VPS13A: variants seen among roughly 807,000 people sequenced by gnomAD.
VPS13A encodes intermembrane lipid transfer protein VPS13A.
Under a neutral mutation model 390.9 loss-of-function variants are expected in VPS13A, and 264 were observed. The ratio of observed to expected loss-of-function variants is 0.68; its 90% CI spans 0.61 to 0.75. VPS13A has a LOEUF of 0.75. VPS13A is among the 30% of genes least tolerant of loss of function. The probability of loss-of-function intolerance (pLI) is 0.00; values close to 1 mark genes in which losing one functional copy is unlikely to be tolerated. For synonymous variants in VPS13A, 1,231 were observed against 1,227.1 expected (o/e 1.00, Z -0.07); for missense variants, 3,409 against 3,733.9 (o/e 0.91, Z 2.27).
intron 24 of VPS13A, 135 bp from the exon 25 acceptor site, chr9:77,275,363 T>C: frequency 1.2e-6 from 1 of 835,538 alleles, no homozygotes; most frequent in Non-Finnish European, 1.9e-6. Context: ...ATTTTCTGTT[T>C]ATTTCGGTTC....
At chr9:77,256,341 A>G (rs1342609895) in intron 22 of VPS13A, among the ~76,000 whole-genome samples, 1 of 152,040 alleles carries the variant, frequency 6.6e-6, no homozygotes, top group Non-Finnish European at 1.5e-5. Context: ...TCATTTCATC[A>G]TTATTGGAAA....
intron 33 of VPS13A, among the ~76,000 whole-genome samples, chr9:77,299,028 A>G (rs1272456204): frequency 6.6e-6 from 1 of 152,012 alleles, no homozygotes; most frequent in Non-Finnish European, 1.5e-5. Context: ...TCCTTTCCCC[A>G]TTGCTTGTTT....
chr9:77,262,184 T>G (rs1825796701), intron 23 of VPS13A, among the ~76,000 whole-genome samples: 3 of 152,134 alleles, frequency 2.0e-5, no homozygotes, highest in African/African-American at 7.2e-5. Flanking sequence ...GTTTTTTATC[T>G]CATATGTAAA....
intron 31 of VPS13A, among the ~76,000 whole-genome samples, chr9:77,287,125 ATATATATGTAAAT>A (rs1230882830): frequency 2.1e-4 from 31 of 148,636 alleles, no homozygotes; most frequent in African/African-American, 7.6e-4. Context: ...TTATACATTA[ATATATATGTAAAT>A]TATATATGTA....
chr9:77,282,079 A>G (rs376146898), intron 28 of VPS13A, 42 bp from the exon 29 acceptor site: 81 of 1,601,264 alleles, frequency 5.1e-5, no homozygotes, highest in Non-Finnish European at 6.7e-5. Flanking sequence ...CTGGCAAGCA[A>G]ATATTTATTG....
intron 67 of VPS13A, among the ~76,000 whole-genome samples, chr9:77,379,280 G>A (rs1833298058): frequency 7.2e-6 from 1 of 139,128 alleles, no homozygotes. Flanking sequence ...CACTCTTGTT[G>A]CCCAGGCTGG....
At chr9:77,321,834 A>C in intron 44 of VPS13A, 88 bp downstream of exon 44, 1 of 1,513,292 alleles carries the variant, frequency 6.6e-7, no homozygotes, top group South Asian at 1.2e-5. Flanking sequence ...GAATCTTAGC[A>C]AGGTTTTTTT....
intron 9 of VPS13A, 58 bp downstream of exon 9, chr9:77,213,372 T>A: frequency 7.3e-7 from 1 of 1,374,392 alleles, no homozygotes; most frequent in Admixed American, 1.7e-5. Flanking sequence ...GAGGTTTAAT[T>A]CATTGTCATT....
intron 22 of VPS13A, among the ~76,000 whole-genome samples, chr9:77,254,817 G>T (rs950430537): frequency 1.3e-5 from 2 of 152,130 alleles, no homozygotes; most frequent in Admixed American, 6.6e-5. Context: ...TTGTTAGTAT[G>T]TGGGAACTTA....
At chr9:77,328,433 TC>T (rs1209370273) in intron 45 of VPS13A, among the ~76,000 whole-genome samples, 1 of 152,212 alleles carries the variant, frequency 6.6e-6, no homozygotes, top group Non-Finnish European at 1.5e-5. Flanking sequence ...AGCTTCATTA[TC>T]CCTTTAAGAA....
chr9:77,220,411 T>C lies in VPS13A; in HGVS notation c.989+28T>C, dbSNP rs751684144. On this transcript the variant is annotated intron_variant, in intron 12 of 71. Transcript: ENST00000360280. ...AAATGCCTTGATTTTTTTTTTTTTT[T>C]AGATTTTAAAAATACAACATAAAAA... The C allele has an allele frequency of 1.9e-5, 24 of 1,291,404 alleles. No individual in the cohort carries two copies. The African/African-American group carries it at 3.6e-4, about 19-fold the overall frequency. The allele number at this position is 1,291,404 out of a possible 1,614,324, so 80.0% of individuals were successfully genotyped here.
chr9:77,290,920 A>G (rs113433003), intron 31 of VPS13A, among the ~76,000 whole-genome samples: 6 of 152,212 alleles, frequency 3.9e-5, no homozygotes, highest in African/African-American at 1.4e-4. Flanking sequence ...GATGTTATAG[A>G]TGAGTCTGAT....
intron 60 of VPS13A, 43 bp downstream of exon 60, chr9:77,365,616 T>C (rs754767543): frequency 1.6e-6 from 2 of 1,235,556 alleles, no homozygotes; most frequent in Non-Finnish European, 2.4e-6. Flanking sequence ...ATCTAGGTAA[T>C]AGCAAATTGA....
In VPS13A at chr9:77,276,173, G is replaced by A. The variant is rs1054376463; in HGVS notation, c.2776G>A (p.Ala926Thr). The A allele has an allele frequency of 6.2e-7, 1 of 1,609,984 alleles. No individual in the cohort carries two copies. Among genetic ancestry groups the A allele is most frequent in the African/African-American group, 1.3e-5 (1 of 74,890 alleles). Residue 926 changes from alanine to threonine, a missense_variant, in exon 26 of 72, where the codon GCA becomes ACA. Coordinates refer to ENST00000360280, the MANE Select transcript of VPS13A (RefSeq NM_033305.3). ...EIEIRTYDLK[A>T]NAFLKEFCLK... ...TGAGATTAGAACATACGATTTGAAAGCAAATGCCTTTTTGAAAGAGTTCTG... is the reference window on the plus strand; with the variant it reads ...TGAGATTAGAACATACGATTTGAAAACAAATGCCTTTTTGAAAGAGTTCTG...
intron 22 of VPS13A, among the ~76,000 whole-genome samples, chr9:77,258,054 T>A (rs1048994765): frequency 2.0e-5 from 3 of 152,226 alleles, no homozygotes; most frequent in Non-Finnish European, 4.4e-5. Context: ...GCTATGTGCC[T>A]GAGATCCTAA....
Position 77,352,985 on chromosome 9 carries a change from T to C in VPS13A, c.7420-424T>C, listed in dbSNP as rs138513949. On this transcript the variant is annotated intron_variant, in intron 53 of 71. Coordinates refer to ENST00000360280, the MANE Select transcript of VPS13A (RefSeq NM_033305.3). ...TATACATGCTTTGTAGAACATACAA[T>C]TGAGATACAAGATATTTTTTATCCT... 3.6e-3 allele frequency among the ~76,000 whole-genome samples: 546 copies of C among 152,166 alleles called. 2 individuals are homozygous for C. Among genetic ancestry groups the C allele is most frequent in the Non-Finnish European group, 4.7e-3 (317 of 67,926 alleles).
intron 1 of VPS13A, among the ~76,000 whole-genome samples, chr9:77,186,013 A>G (rs779186439): frequency 2.6e-5 from 4 of 152,210 alleles, no homozygotes; most frequent in Non-Finnish European, 5.9e-5. Flanking sequence ...CTGTAGTCTC[A>G]GCTACTCAGG....
chr9:77,380,850 T>C (rs1406779630), intron 67 of VPS13A, among the ~76,000 whole-genome samples: 2 of 152,122 alleles, frequency 1.3e-5, no homozygotes, highest in African/African-American at 4.8e-5. Flanking sequence ...CAGTTGACAA[T>C]AGGGTTCGCC....
chr9:77,338,290 C>G (rs1830641942), intron 47 of VPS13A: 1 of 152,056 alleles, frequency 6.6e-6, no homozygotes, highest in South Asian at 2.1e-4. Flanking sequence ...TTTTCTGATA[C>G]ATGTCTCTTT....
Sources: gnomAD v4.1 joint callset for allele counts (sites outside exome capture counted in the v4.1 genomes callset) on GRCh38, gnomAD v4.1.1 for gene constraint, MANE v1.5 for transcripts, NCBI Gene and HGNC (gene_info 2026-07-23, HGNC 2026-07-21) for gene names.